The following UTS2B variants were observed in gnomAD, a reference collection of about 807,000 sequenced individuals.
UTS2B encodes urotensin 2B, also known as urotensin-2B.
In UTS2B, 21 loss-of-function variants were observed where a neutral mutation model predicts 19.2. The ratio of observed to expected loss-of-function variants is 1.09; its 90% CI spans 0.78 to 1.58. UTS2B has a LOEUF of 1.58. Ranked by LOEUF, UTS2B falls within the 40% of genes most tolerant of loss-of-function variation. The pLI is 0.00. For missense variants in UTS2B, 138 were observed against 130.3 expected (o/e 1.06, Z -0.29); for synonymous variants, 57 against 50.2 (o/e 1.14, Z -0.58).
At chr3:191,318,993 T>C (rs771725584) in intron 2 of UTS2B, among the ~76,000 whole-genome samples, 1 of 152,184 alleles carries the variant, frequency 6.6e-6, no homozygotes, top group African/African-American at 2.4e-5. Flanking sequence ...TAGATTATTT[T>C]TGAGGTACAT....
At position 191,287,965 on chromosome 3, in the gene UTS2B, T is replaced by A. The variant is rs551511090; in HGVS notation, c.-124-5652A>T. Among the ~76,000 whole-genome samples the A allele has an allele frequency of 3.3e-5, 5 of 152,218 alleles. No homozygotes were observed. The South Asian group carries it at 6.2e-4, about 19-fold the overall frequency. On this transcript the variant is annotated intron_variant, in intron 4 of 8. Transcript: ENST00000340524. ...AAAGTTGCAGGATACAAAATCTATG[T>A]TCAAAAATCACTGGCCTCTGTATAT...
the UTS2B span, among the ~76,000 whole-genome samples, chr3:191,346,008 A>G: frequency 6.6e-6 from 1 of 152,224 alleles, no homozygotes; most frequent in African/African-American, 2.4e-5. Context: ...TCTTTGCAGT[A>G]AAGAGCTGGT....
upstream of UTS2B, among the ~76,000 whole-genome samples, chr3:191,333,036 A>G (rs985382382): frequency 6.6e-6 from 1 of 152,074 alleles, no homozygotes; most frequent in South Asian, 2.1e-4. Context: ...CAGTTCTCTC[A>G]ATCTCATTTT....
rs1041872313 is a variant in UTS2B, at chr3:191,267,668, A to G, written c.*748T>C. The G allele has an allele frequency of 6.6e-5, 10 of 152,246 alleles. No homozygotes were observed. Among genetic ancestry groups the G allele is most frequent in the African/African-American group, 1.2e-4 (5 of 41,454 alleles). 9.4% of individuals were successfully genotyped at this position (152,246 alleles called of 1,614,324 possible). ...GTTTAGCAAGGGCAGGGGTAGGTTAATGAGGGATTTAGGGTCATTTGATTA... is the reference window on the plus strand; with the variant it reads ...GTTTAGCAAGGGCAGGGGTAGGTTAGTGAGGGATTTAGGGTCATTTGATTA... On this transcript the variant is annotated 3_prime_UTR_variant, in exon 9 of 9. Transcript: ENST00000340524.
rs775218935 is a variant in UTS2B at position 191,278,027 on chromosome 3, T to A, written c.202+45A>T. ...AAAGCAAGTCTCAAGACAAAATAAATTGTTATTTTTTAATAAATAGAGCTT... is the reference window on the plus strand; with the variant it reads ...AAAGCAAGTCTCAAGACAAAATAAAATGTTATTTTTTAATAAATAGAGCTT... On this transcript the variant is annotated intron_variant, in intron 6 of 8. Coordinates refer to ENST00000340524, the MANE Select transcript of UTS2B (RefSeq NM_198152.5). 60 of 1,008,046 alleles carry A rather than the reference T, an allele frequency of 6.0e-5. No individual in the cohort carries two copies. The African/African-American group carries it at 9.7e-4, about 16-fold the overall frequency. 62.4% of individuals were successfully genotyped at this position (1,008,046 alleles called of 1,614,324 possible).
the UTS2B span, among the ~76,000 whole-genome samples, chr3:191,336,054 A>G: frequency 2.0e-5 from 3 of 151,802 alleles, no homozygotes; most frequent in Non-Finnish European, 4.4e-5. Context: ...CTGTTTATCC[A>G]TTCACTAATT....
chr3:191,309,556 T>C (rs1242948073), intron 3 of UTS2B, among the ~76,000 whole-genome samples: 1 of 152,216 alleles, frequency 6.6e-6, no homozygotes, highest in African/African-American at 2.4e-5. Flanking sequence ...TGATATGGTT[T>C]GGATCTGTCT....
chr3:191,294,124 A>AAAACAAACAAAC (rs35925883), intron 4 of UTS2B, among the ~76,000 whole-genome samples: 1 of 150,668 alleles, frequency 6.6e-6, no homozygotes, highest in Non-Finnish European at 1.5e-5. Context: ...AACAAAAACA[A>AAAACAAACAAAC]AAACAAACAA....
At chr3:191,326,167 C>A (rs190671301) in intron 2 of UTS2B, among the ~76,000 whole-genome samples, 1 of 152,002 alleles carries the variant, frequency 6.6e-6, no homozygotes, top group African/African-American at 2.4e-5. Context: ...GTTTTTTTAA[C>A]TTACTTTTAA....
rs1444257533 is a variant in UTS2B at position 191,275,162 on chromosome 3, GA to G, written c.334+89del. On this transcript the variant is annotated intron_variant, in intron 8 of 8. Transcript: ENST00000340524. ...ATATTGGTCACCACCATAAGATTAAGAAATGCCAACTGAATCTTCTTCCTCT... is the reference window on the plus strand; with the variant it reads ...ATATTGGTCACCACCATAAGATTAAGAATGCCAACTGAATCTTCTTCCTCT... The G allele has an allele frequency of 8.2e-6, 8 of 974,344 alleles. No individual in the cohort carries two copies. The Admixed American group carries it at 1.5e-4, about 18-fold the overall frequency. 60.4% of individuals were successfully genotyped at this position (974,344 alleles called of 1,614,324 possible).
At chr3:191,326,696 A>G (rs1257247792) in intron 2 of UTS2B, among the ~76,000 whole-genome samples, 2 of 152,226 alleles carry the variant, frequency 1.3e-5, no homozygotes, top group Non-Finnish European at 2.9e-5. Context: ...CAAAAGATGT[A>G]AACTTGTTAC....
intron 2 of UTS2B, 88 bp from the exon 3 acceptor site, chr3:191,316,527 C>G (rs1199869033): frequency 6.6e-6 from 1 of 151,456 alleles, no homozygotes; most frequent in Non-Finnish European, 1.5e-5. Context: ...GCTTTTATTC[C>G]CTTATCTGAC....
chr3:191,329,790 G>C, intron 1 of UTS2B: 19 of 1,545,914 alleles, frequency 1.2e-5, no homozygotes, highest in Non-Finnish European at 1.6e-5. Context: ...TCTCAGGTCA[G>C]GGGCGTTGCC....
At chr3:191,275,541 G>A (rs143919410) in intron 7 of UTS2B, among the ~76,000 whole-genome samples, 196 bp from the exon 8 acceptor site, 60 of 152,202 alleles carry the variant, frequency 3.9e-4, no homozygotes, top group African/African-American at 1.3e-3. Context: ...TTAGCTGGGC[G>A]TGGTAGCAGG....
the UTS2B span, among the ~76,000 whole-genome samples, chr3:191,345,685 A>G: frequency 6.6e-6 from 1 of 152,324 alleles, no homozygotes; most frequent in East Asian, 1.9e-4. Context: ...CTACTTGCCA[A>G]ACAAGTGGTT....
At chr3:191,320,338 T>C (rs1220013633) in intron 2 of UTS2B, among the ~76,000 whole-genome samples, 4 of 152,198 alleles carry the variant, frequency 2.6e-5, no homozygotes, top group Admixed American at 6.5e-5. Flanking sequence ...AGCAAGACTA[T>C]GCGTGGCTTA....
chr3:191,327,222 G>A (rs560122598), intron 2 of UTS2B, among the ~76,000 whole-genome samples: 3 of 152,334 alleles, frequency 2.0e-5, no homozygotes, highest in African/African-American at 4.8e-5. Flanking sequence ...GAGGCCGGGC[G>A]TGGTGGCTCG....
intron 8 of UTS2B, 56 bp downstream of exon 8, chr3:191,275,196 T>A (rs2108569362): frequency 7.4e-7 from 1 of 1,358,734 alleles, no homozygotes. Context: ...TCTCAGAAAT[T>A]ACTGCAAAAA....
intron 3 of UTS2B, among the ~76,000 whole-genome samples, chr3:191,313,469 GAACACACTCCTACAAT>G (rs1717358345): frequency 6.6e-6 from 1 of 152,112 alleles, no homozygotes; most frequent in South Asian, 2.1e-4. Context: ...ATACCTGCAA[GAACACACTCCTACAAT>G]AACAAAGTCC....
Sources: gnomAD v4.1 joint callset for allele counts (sites outside exome capture counted in the v4.1 genomes callset) on GRCh38, gnomAD v4.1.1 for gene constraint, MANE v1.5 for transcripts, NCBI Gene and HGNC (gene_info 2026-07-23, HGNC 2026-07-21) for gene names.